The following PAPOLG variants were observed in gnomAD, a reference collection of about 807,000 sequenced individuals.
The protein encoded by PAPOLG is poly(A) polymerase gamma.
PAPOLG carries 40 observed loss-of-function variants against 99.0 expected under a neutral mutation model. The observed-to-expected ratio is 0.40, with a 90% CI of 0.31 to 0.53. The LOEUF is 0.53. Ranked by LOEUF, PAPOLG falls within the 20% of genes least tolerant of loss-of-function variation. The pLI is 0.41. For missense variants in PAPOLG, 675 were observed against 884.1 expected (o/e 0.76, Z 3.00); for synonymous variants, 310 against 299.3 (o/e 1.04, Z -0.37).
chr2:60,793,043 A>G (rs915952124), intron 17 of PAPOLG, among the ~76,000 whole-genome samples: 6 of 151,946 alleles, frequency 3.9e-5, no homozygotes, highest in Non-Finnish European at 7.4e-5. Flanking sequence ...TCTCAAAAAA[A>G]CAAAAACAAA....
chr2:60,791,700 A>AG lies in PAPOLG; in HGVS notation c.1397-61_1397-60insG. 3.2e-6 allele frequency: 5 copies of AG among 1,542,150 alleles called. No homozygotes were observed. In the South Asian group the frequency reaches 6.4e-5, roughly 20 times the overall value. ...GTAAAAGTATATGCATTTCAGAAAA[A>AG]TTAGGCAGAACCCTTGGTTCAGAAA... On this transcript the variant is annotated intron_variant, in intron 15 of 21. Transcript: ENST00000238714.
intron 7 of PAPOLG, among the ~76,000 whole-genome samples, chr2:60,772,016 T>G (rs183081745): frequency 2.0e-5 from 3 of 152,272 alleles, no homozygotes; most frequent in Middle Eastern, 3.4e-3. Context: ...ATATAAACTT[T>G]TGTGTGTGAA....
intron 3 of PAPOLG, among the ~76,000 whole-genome samples, chr2:60,765,165 C>T (rs1433314871): frequency 1.3e-5 from 2 of 151,748 alleles, no homozygotes; most frequent in Non-Finnish European, 2.9e-5. Flanking sequence ...AACTCCTAGG[C>T]TCAAGCAATC....
At chr2:60,788,596 A>G (rs1365015506) in intron 15 of PAPOLG, among the ~76,000 whole-genome samples, 2 of 152,184 alleles carry the variant, frequency 1.3e-5, no homozygotes, top group Non-Finnish European at 2.9e-5. Flanking sequence ...CTGGGATTAC[A>G]GGTGTGAGCC....
chr2:60,779,475 A>C (rs538678231), intron 8 of PAPOLG, 162 bp from the exon 9 acceptor site: 1 of 691,730 alleles, frequency 1.4e-6, no homozygotes, highest in Non-Finnish European at 2.3e-6. Context: ...TATCAGTTTT[A>C]ATGTTTTGTT....
At chr2:60,782,665 T>C in intron 11 of PAPOLG, 21 bp from the exon 12 acceptor site, 4 of 1,365,272 alleles carry the variant, frequency 2.9e-6, no homozygotes, top group Non-Finnish European at 3.8e-6. Flanking sequence ...TTTTTTTTTT[T>C]TTTTTTTTTT....
chr2:60,792,609 T>C (rs1385707671), intron 17 of PAPOLG, among the ~76,000 whole-genome samples: 1 of 152,168 alleles, frequency 6.6e-6, no homozygotes, highest in Non-Finnish European at 1.5e-5. Flanking sequence ...GAGCCAACAG[T>C]TGTGGCCAGG....
intron 21 of PAPOLG, 87 bp from the exon 22 acceptor site, chr2:60,796,975 C>A: frequency 6.5e-7 from 1 of 1,547,512 alleles, no homozygotes; most frequent in African/African-American, 1.4e-5. Flanking sequence ...GAAAAACTCC[C>A]CAAGTTTTGT....
intron 9 of PAPOLG, 119 bp from the exon 10 acceptor site, chr2:60,780,588 A>G: frequency 1.9e-6 from 2 of 1,072,400 alleles, no homozygotes. Flanking sequence ...TTTTTCCTTT[A>G]ATACCAAATA....
At chr2:60,778,544 T>C (rs1671091836) in intron 8 of PAPOLG, among the ~76,000 whole-genome samples, 1 of 152,048 alleles carries the variant, frequency 6.6e-6, no homozygotes, top group Non-Finnish European at 1.5e-5. Flanking sequence ...ATGTTGATGA[T>C]TGCACAACTC....
intron 5 of PAPOLG, 43 bp downstream of exon 5, chr2:60,768,933 A>G: frequency 7.2e-7 from 1 of 1,397,458 alleles, no homozygotes; most frequent in Non-Finnish European, 9.7e-7. Flanking sequence ...TTAGATTAGT[A>G]ACAAATATCT....
chr2:60,784,604 A>T (rs543515082), intron 13 of PAPOLG, among the ~76,000 whole-genome samples: 2 of 152,324 alleles, frequency 1.3e-5, no homozygotes, highest in South Asian at 4.1e-4. Flanking sequence ...TCCTTATTTC[A>T]TTGGTAATTA....
At chr2:60,795,713 A>G (rs1277039108) in intron 21 of PAPOLG, among the ~76,000 whole-genome samples, 1 of 151,802 alleles carries the variant, frequency 6.6e-6, no homozygotes, top group African/African-American at 2.4e-5. Flanking sequence ...CAGAATGGCC[A>G]TTAAATAGTA....
chr2:60,760,427 G>C, intron 2 of PAPOLG, 132 bp downstream of exon 2: 1 of 783,492 alleles, frequency 1.3e-6, no homozygotes, highest in South Asian at 1.9e-5. Context: ...TGGCCCTCTT[G>C]GAGCTTACAT....
chr2:60,777,256 G>C (rs1671048229), intron 8 of PAPOLG, among the ~76,000 whole-genome samples: 1 of 152,116 alleles, frequency 6.6e-6, no homozygotes, highest in African/African-American at 2.4e-5. Context: ...GAGAGTTCGA[G>C]ATCAGCCTGA....
Position 60,791,829 on chromosome 2 carries a change from A to G in PAPOLG, c.1465A>G (p.Lys489Glu). Residue 489 changes from lysine to glutamate, a missense_variant, in exon 16 of 22, where the codon AAA (lysine) becomes GAA (glutamate). Transcript: ENST00000238714. Reference protein sequence around the residue: ...GMKIEATHVKKKQLHHYLPAE... With the variant: ...GMKIEATHVKEKQLHHYLPAE... ...GAAAATTGAAGCAACTCATGTAAAG[A>G]AAAAACAACTTCACCACTACCTTCC... is the stretch of plus-strand genomic sequence containing the variant. 1.2e-6 allele frequency: 2 copies of G among 1,613,818 alleles called. No homozygotes were observed. Among genetic ancestry groups the G allele is most frequent in the African/African-American group, 1.3e-5 (1 of 75,006 alleles).
intron 3 of PAPOLG, among the ~76,000 whole-genome samples, chr2:60,765,355 G>T (rs1670644799): frequency 6.7e-6 from 1 of 149,292 alleles, no homozygotes; most frequent in Non-Finnish European, 1.5e-5. Context: ...TGAGATTACA[G>T]GCATGAGTCA....
chr2:60,793,887 G>A, intron 18 of PAPOLG, 84 bp from the exon 19 acceptor site: 1 of 1,463,078 alleles, frequency 6.8e-7, no homozygotes, highest in Non-Finnish European at 9.3e-7. Context: ...CTGCAGCCTG[G>A]GTGATGGGAA....
chr2:60,797,012 A>G lies in PAPOLG; in HGVS notation c.2113-50A>G, dbSNP rs1573263607. 7 of 1,604,150 alleles carry G rather than the reference A, an allele frequency of 4.4e-6. No individual in the cohort carries two copies. The Admixed American group carries it at 1.0e-4, about 23-fold the overall frequency. On this transcript the variant is annotated intron_variant, in intron 21 of 21. Transcript: ENST00000238714. ...ACTGACTTTCTAGCTGGGCCTTTAT[A>G]ATATATATGATGTGCTTTTCCTTTT...
Sources: allele counts gnomAD v4.1 joint callset (sites outside exome capture counted in the v4.1 genomes callset), GRCh38; gene constraint gnomAD v4.1.1; transcripts MANE v1.5; gene names NCBI Gene and HGNC (gene_info 2026-07-23, HGNC 2026-07-21).